Variants in LHX8 observed in about 807,000 individuals in gnomAD.
LHX8 encodes LIM/homeobox protein Lhx8.
LHX8 carries 12 observed loss-of-function variants against 40.3 expected under a neutral mutation model. The observed-to-expected ratio is 0.30, with a 90% confidence interval of 0.19 to 0.48. The LOEUF is 0.48. LHX8 is among the 20% of genes least tolerant of loss of function. The pLI is 0.99. For synonymous variants in LHX8, 179 were observed against 162.0 expected (o/e 1.10, Z -0.80); for missense variants, 344 against 433.7 (o/e 0.79, Z 1.84).
chr1:75,148,501 T>C, intron 6 of LHX8, 86 bp from the exon 7 acceptor site: 1 of 900,470 alleles, frequency 1.1e-6, no homozygotes, highest in African/African-American at 1.7e-5. Flanking sequence ...TTCTTGTGCA[T>C]GTCTTACCTC....
At chr1:75,197,298 C>A in the LHX8 span, among the ~76,000 whole-genome samples, 2 of 152,106 alleles carry the variant, frequency 1.3e-5, no homozygotes, top group Non-Finnish European at 2.9e-5. Context: ...CTCTCTATCA[C>A]TTAAAGTGCT....
the LHX8 span, among the ~76,000 whole-genome samples, chr1:75,169,843 G>A: frequency 2.6e-5 from 4 of 152,192 alleles, no homozygotes; most frequent in African/African-American, 9.7e-5. Flanking sequence ...CTACTCAGCT[G>A]TGGGTCCCAT....
the LHX8 span, among the ~76,000 whole-genome samples, chr1:75,188,771 A>T: frequency 6.6e-6 from 1 of 152,192 alleles, no homozygotes; most frequent in South Asian, 2.1e-4. Flanking sequence ...CCATCATCAC[A>T]TTCAGATCCT....
upstream of LHX8, chr1:75,133,172 T>C (rs1378744384): frequency 1.3e-5 from 2 of 152,236 alleles, no homozygotes; most frequent in Non-Finnish European, 2.9e-5. Context: ...TATTAACTTG[T>C]GCGCAGCTGC....
the LHX8 span, among the ~76,000 whole-genome samples, chr1:75,184,682 A>G: frequency 1.3e-5 from 2 of 152,144 alleles, no homozygotes; most frequent in East Asian, 3.9e-4. Context: ...TCTCAAATTC[A>G]CAACTTAACA....
chr1:75,147,713 C>T (rs1015405165), intron 6 of LHX8, among the ~76,000 whole-genome samples: 1 of 152,132 alleles, frequency 6.6e-6, no homozygotes, highest in Non-Finnish European at 1.5e-5. Context: ...GTAATGCTTC[C>T]CTCAGTTGAC....
At chr1:75,139,630 A>G (rs1648256888) in intron 3 of LHX8, among the ~76,000 whole-genome samples, 1 of 152,142 alleles carries the variant, frequency 6.6e-6, no homozygotes, top group African/African-American at 2.4e-5. Flanking sequence ...TTATTTATTC[A>G]GATTTCCTCA....
At chr1:75,176,030 C>T in the LHX8 span, among the ~76,000 whole-genome samples, 17 of 152,156 alleles carry the variant, frequency 1.1e-4, no homozygotes, top group African/African-American at 3.9e-4. Flanking sequence ...CATAGTATTC[C>T]ATGGTGTATA....
At chr1:75,191,352 C>A in the LHX8 span, among the ~76,000 whole-genome samples, 1 of 152,120 alleles carries the variant, frequency 6.6e-6, no homozygotes, top group Non-Finnish European at 1.5e-5. Flanking sequence ...TAAGGCCTTG[C>A]CTCTGCACCC....
downstream of LHX8, among the ~76,000 whole-genome samples, chr1:75,161,870 CTT>C (rs999557511): frequency 5.3e-5 from 8 of 152,012 alleles, no homozygotes; most frequent in African/African-American, 1.9e-4. Context: ...AGCAAGAACT[CTT>C]TGCATTTTCT....
At chr1:75,172,234 G>A in the LHX8 span, among the ~76,000 whole-genome samples, 35,337 of 152,070 alleles carry the variant, frequency 0.23, 4,455 homozygotes, top group Middle Eastern at 0.35. Context: ...TCTTACAGAT[G>A]TATGAGACCA....
intron 1 of LHX8, 93 bp from the exon 2 acceptor site, chr1:75,136,510 A>G (rs997446594): frequency 2.0e-6 from 2 of 980,662 alleles, no homozygotes; most frequent in African/African-American, 1.6e-5. Flanking sequence ...GAGGGCCTTC[A>G]TTAGCTCGCT....
rs747241410 is a variant in LHX8 at position 75,137,192 on chromosome 1, C to T, written c.168C>T (p.Ser56=). The T allele has an allele frequency of 3.7e-6, 6 of 1,613,506 alleles. No homozygotes were observed. Among genetic ancestry groups the T allele is most frequent in the East Asian group, 4.5e-5 (2 of 44,852 alleles). ...SSSPRSMASG[S]GCPPGKCVCN... ...CGCCCCGGTCCATGGCCTCGGGCTC[C>T]GGCTGCCCTCCTGGCAAGTGTGTGT... Residue 56 remains serine, a synonymous_variant, in exon 3 of 9, where the codon TCC becomes TCT. Transcript: ENST00000356261.
chr1:75,183,116 G>T, the LHX8 span: 2 of 152,230 alleles, frequency 1.3e-5, no homozygotes, highest in African/African-American at 4.8e-5. Context: ...ACACAAGGAT[G>T]ATATGCAATG....
Position 75,136,677 on chromosome 1 carries a change from G to A in LHX8, c.63G>A (p.Gly21=), listed in dbSNP as rs1648146729. 2 of 1,546,276 alleles carry A rather than the reference G, an allele frequency of 1.3e-6. No homozygotes were observed. The highest frequency in any genetic ancestry group is 8.7e-7 in the Non-Finnish European group (1 of 1,146,624). ...CCGGGAGGACTCGCAAAGGCGCCGG[G>A]GAAGAGGGACTGGTGAGTGCGGAGG... The part of the protein sequence containing the change: ...LAAGRTRKGA[G]EEGLVSPEGA... Residue 21 remains glycine (G), a synonymous_variant, in exon 2 of 9, where the codon GGG becomes GGA. Coordinates refer to ENST00000356261, the MANE Select transcript of LHX8 (RefSeq NM_001256114.2).
upstream of LHX8, among the ~76,000 whole-genome samples, chr1:75,129,603 C>A (rs1341303408): frequency 6.6e-6 from 1 of 152,146 alleles, no homozygotes; most frequent in Non-Finnish European, 1.5e-5. Context: ...AAAATGTCAT[C>A]CAAGCCTGTG....
At chr1:75,135,715 A>G (rs1648104943) in intron 1 of LHX8, among the ~76,000 whole-genome samples, 1 of 152,230 alleles carries the variant, frequency 6.6e-6, no homozygotes, top group Admixed American at 6.5e-5. Context: ...ACTTGGAAAC[A>G]CTTGAGTAAC....
At chr1:75,129,293 C>T (rs1369118477) in intron 1 of LHX8, among the ~76,000 whole-genome samples, 1 of 151,942 alleles carries the variant, frequency 6.6e-6, no homozygotes, top group African/African-American at 2.4e-5. Flanking sequence ...GGAAGGCAAG[C>T]AGGGAAGGAG....
chr1:75,168,596 G>A, the LHX8 span, among the ~76,000 whole-genome samples: 2 of 152,022 alleles, frequency 1.3e-5, no homozygotes, highest in South Asian at 2.1e-4. Context: ...GAGAGAGGAC[G>A]CACAGGAAAC....
Sources: allele counts gnomAD v4.1 joint callset (sites outside exome capture counted in the v4.1 genomes callset), GRCh38; gene constraint gnomAD v4.1.1; transcripts MANE v1.5; gene names NCBI Gene and HGNC (gene_info 2026-07-23, HGNC 2026-07-21).